Variants in COL14A1 observed in about 807,000 individuals in gnomAD.
COL14A1 encodes the protein collagen alpha-1(XIV) chain.
In COL14A1, 136 loss-of-function variants were observed where a neutral mutation model predicts 230.3. The ratio of observed to expected loss-of-function variants is 0.59; its 90% confidence interval spans 0.51 to 0.68. The LOEUF is 0.68. Among genes scored for constraint, COL14A1 ranks in the 30% least tolerant of loss-of-function variants. The pLI is 0.00. For synonymous variants in COL14A1, 792 were observed against 784.1 expected, an observed-to-expected ratio of 1.01 and a Z score of -0.17; for missense variants, 1,976 against 2,215.8, an observed-to-expected ratio of 0.89 and a Z score of 2.17.
chr8:120,189,856 T>A (rs899732049), intron 5 of COL14A1, among the ~76,000 whole-genome samples: 2 of 152,150 alleles, frequency 1.3e-5, no homozygotes, highest in Non-Finnish European at 2.9e-5. Flanking sequence ...GATGTATATG[T>A]GCCACATTTT....
chr8:120,242,945 A>C (rs1439535174), intron 19 of COL14A1, among the ~76,000 whole-genome samples: 1 of 152,152 alleles, frequency 6.6e-6, no homozygotes. Flanking sequence ...TTTACCCAGC[A>C]CTTGAATCGA....
chr8:120,200,299 C>G (rs1301465394), intron 8 of COL14A1, among the ~76,000 whole-genome samples: 1 of 151,814 alleles, frequency 6.6e-6, no homozygotes. Context: ...CATGAAGGGT[C>G]CCTTTTATTA....
At chr8:120,207,142 T>C in intron 10 of COL14A1, 48 bp downstream of exon 10, 1 of 1,493,104 alleles carries the variant, frequency 6.7e-7, no homozygotes, top group Non-Finnish European at 9.1e-7. Flanking sequence ...TTCTCTCAAG[T>C]CTTCTACAAT....
At chr8:120,171,285 A>G (rs1209252970) in intron 5 of COL14A1, among the ~76,000 whole-genome samples, 1 of 152,170 alleles carries the variant, frequency 6.6e-6, no homozygotes, top group Non-Finnish European at 1.5e-5. Context: ...TTTGCCTCAC[A>G]AATATATTAT....
intron 14 of COL14A1, among the ~76,000 whole-genome samples, chr8:120,223,738 A>C (rs1818004665): frequency 1.3e-5 from 2 of 152,222 alleles, no homozygotes; most frequent in South Asian, 4.1e-4. Context: ...CATTTTAAGC[A>C]GAGCTTATTT....
rs112679734 is a variant in COL14A1, at chr8:120,304,148, A to G, written c.4401+3330A>G. On this transcript the variant is annotated intron_variant, in intron 36 of 47. Transcript: ENST00000297848. ...TCTTTCTTTTCTGCTTTATTAGTCT[A>G]GCTGGTGGCTTATCTATCTTATTAA... 3.7e-3 allele frequency among the ~76,000 whole-genome samples: 568 copies of G among 152,134 alleles called. 3 individuals are homozygous for G. The highest frequency in any genetic ancestry group is 0.013 in the African/African-American group (521 of 41,528).
rs368129508 is a variant in COL14A1, at chr8:120,197,403, T to G, written c.593-408T>G. Among the ~76,000 whole-genome samples the G allele has an allele frequency of 7.2e-5, 11 of 152,244 alleles. No homozygotes were observed. In the East Asian group the frequency reaches 9.6e-4, roughly 13 times the overall value. On this transcript the variant is annotated intron_variant, in intron 6 of 47. Transcript: ENST00000297848. ...ATTGAGCAATTACAAATATTTATTA[T>G]TTGTAATCAAATAATAAAAATAATA...
At chr8:120,311,040 G>A (rs1260199660) in intron 37 of COL14A1, among the ~76,000 whole-genome samples, 3 of 152,122 alleles carry the variant, frequency 2.0e-5, no homozygotes, top group Non-Finnish European at 4.4e-5. Flanking sequence ...CATAAAATTG[G>A]AAACAGATGA....
At position 120,310,069 on chromosome 8, in the gene COL14A1, C is replaced by T. The variant is rs750032953; in HGVS notation, c.4455+7C>T. On this transcript the variant is annotated splice_region_variant and intron_variant, in intron 37 of 47. Transcript: ENST00000297848. ...AGGTGAACCGGGTCCAAAGGTAATG[C>T]GCATGTTTTCTCTCTCTCTCTGTCT... The T allele has an allele frequency of 2.1e-5, 34 of 1,612,466 alleles. No individual in the cohort carries two copies. Among genetic ancestry groups the T allele is most frequent in the East Asian group, 8.9e-5 (4 of 44,880 alleles).
intron 4 of COL14A1, among the ~76,000 whole-genome samples, chr8:120,163,530 G>A (rs1324841591): frequency 1.3e-5 from 2 of 152,196 alleles, no homozygotes; most frequent in African/African-American, 2.4e-5. Flanking sequence ...TTGGGAGGCC[G>A]AGGCGGGCGG....
At chr8:120,353,018 C>A (rs1822827211) in intron 45 of COL14A1, among the ~76,000 whole-genome samples, 1 of 19,398 alleles carries the variant, frequency 5.2e-5, no homozygotes, top group Non-Finnish European at 7.6e-5. Context: ...ACCAAAACAG[C>A]ATGGTACTGG....
At position 120,289,849 on chromosome 8, in the gene COL14A1, A is replaced by G. The variant is rs1025404238; in HGVS notation, c.4236+83A>G. The G allele has an allele frequency of 2.4e-5, 34 of 1,408,436 alleles. 1 individual carries two copies. In the South Asian group the frequency reaches 4.6e-4, roughly 19 times the overall value. The allele number at this position is 1,408,436 out of a possible 1,614,324, so 87.2% of individuals were successfully genotyped here. On this transcript the variant is annotated intron_variant, in intron 34 of 47. Transcript: ENST00000297848. ...GTACATTAGCTATTTTCCAGGGGAA[A>G]GGTTTAACAAAAAGATGAATGGATA...
rs75148184 is a variant in COL14A1, at chr8:120,160,558, T to C, written c.206-1868T>C. Among the ~76,000 whole-genome samples, 455 of 152,220 alleles carry C rather than the reference T, an allele frequency of 3.0e-3. 4 individuals carry two copies. Among genetic ancestry groups the C allele is most frequent in the African/African-American group, 0.011 (441 of 41,534 alleles). On this transcript the variant is annotated intron_variant, in intron 3 of 47. Transcript: ENST00000297848. ...TGCTTAGACATCTCCCATGATAAAA[T>C]AAAAATTGGGAATGAAAGCAAATTA...
At chr8:120,286,984 G>A (rs576124474) in intron 33 of COL14A1, among the ~76,000 whole-genome samples, 17 of 152,108 alleles carry the variant, frequency 1.1e-4, no homozygotes, top group Non-Finnish European at 1.6e-4. Context: ...CAGCACCTAC[G>A]CTGCAGGATG....
At chr8:120,194,142 C>T (rs565301692) in intron 5 of COL14A1, among the ~76,000 whole-genome samples, 99 of 152,316 alleles carry the variant, frequency 6.5e-4, no homozygotes, top group Middle Eastern at 3.4e-3. Flanking sequence ...TCTTCTGCGT[C>T]ACTCACACTG....
At chr8:120,132,094 C>T (rs185050170) in intron 1 of COL14A1, among the ~76,000 whole-genome samples, 70 of 152,098 alleles carry the variant, frequency 4.6e-4, no homozygotes, top group Middle Eastern at 3.4e-3. Context: ...ATGATCCACC[C>T]GCTTTGGCCT....
At chr8:120,241,455 A>C (rs1031726413) in intron 19 of COL14A1, among the ~76,000 whole-genome samples, 1 of 152,200 alleles carries the variant, frequency 6.6e-6, no homozygotes, top group Non-Finnish European at 1.5e-5. Context: ...TTTGGGTGAT[A>C]TTAGAGCCAG....
chr8:120,298,726 A>T (rs1231255872), intron 35 of COL14A1, among the ~76,000 whole-genome samples: 2 of 147,682 alleles, frequency 1.4e-5, no homozygotes, highest in Non-Finnish European at 1.5e-5. Context: ...GTCATGTCTT[A>T]ATAATTAAAG....
At chr8:120,151,286 A>G (rs561056062) in intron 2 of COL14A1, among the ~76,000 whole-genome samples, 22 of 152,308 alleles carry the variant, frequency 1.4e-4, no homozygotes, top group African/African-American at 5.1e-4. Context: ...AAGCAAATTT[A>G]GTAGTGAGTT....
Sources: allele counts gnomAD v4.1 joint callset (sites outside exome capture counted in the v4.1 genomes callset), GRCh38; gene constraint gnomAD v4.1.1; transcripts MANE v1.5; gene names NCBI Gene and HGNC (gene_info 2026-07-23, HGNC 2026-07-21).